SUSD1: variants seen among roughly 807,000 people sequenced by gnomAD.
The protein encoded by SUSD1 is sushi domain-containing protein 1.
In SUSD1, 65 loss-of-function variants were observed where a neutral mutation model predicts 86.9. The ratio of observed to expected loss-of-function variants is 0.75; its 90% CI spans 0.61 to 0.92. SUSD1 has a LOEUF of 0.92. Among genes scored for constraint, SUSD1 ranks in the 40% least tolerant of loss-of-function variants. The pLI, the probability that SUSD1 is intolerant of heterozygous loss-of-function variation, is 0.00. For synonymous variants in SUSD1, 346 were observed against 350.0 expected (o/e 0.99, Z 0.13); for missense variants, 850 against 929.7 (o/e 0.91, Z 1.11).
intron 5 of SUSD1, among the ~76,000 whole-genome samples, chr9:112,139,319 A>G (rs181974122): frequency 5.7e-4 from 87 of 152,368 alleles, no homozygotes; most frequent in Admixed American, 1.8e-3. Flanking sequence ...TGCAAGATTT[A>G]TAAGTAAAAT....
At chr9:112,065,554 C>G (rs1201603723) in intron 12 of SUSD1, among the ~76,000 whole-genome samples, 1 of 152,058 alleles carries the variant, frequency 6.6e-6, no homozygotes, top group Admixed American at 6.6e-5. Context: ...ACTGAATCCC[C>G]AAAGATTTTA....
intron 13 of SUSD1, among the ~76,000 whole-genome samples, chr9:112,059,804 A>C (rs1172167104): frequency 6.6e-6 from 1 of 152,184 alleles, no homozygotes; most frequent in African/African-American, 2.4e-5. Flanking sequence ...ATTCCCATCT[A>C]TCTGGTACTT....
chr9:112,122,783 T>G (rs1831606762), intron 6 of SUSD1, among the ~76,000 whole-genome samples: 1 of 152,200 alleles, frequency 6.6e-6, no homozygotes, highest in Admixed American at 6.5e-5. Flanking sequence ...ACTCATATAA[T>G]GGACTATATG....
intron 1 of SUSD1, among the ~76,000 whole-genome samples, chr9:112,159,557 A>C (rs1833477909): frequency 6.6e-6 from 1 of 152,232 alleles, no homozygotes; most frequent in African/African-American, 2.4e-5. Context: ...TTAAAGGCTG[A>C]ATTATCTGAC....
intron 1 of SUSD1, among the ~76,000 whole-genome samples, chr9:112,168,949 C>T (rs1466780915): frequency 4.6e-5 from 7 of 152,094 alleles, no homozygotes; most frequent in African/African-American, 7.2e-5. Flanking sequence ...GATCAAACAA[C>T]GGGAGGAAAT....
At chr9:112,066,971 G>T (rs1361352314) in intron 12 of SUSD1, among the ~76,000 whole-genome samples, 1 of 152,128 alleles carries the variant, frequency 6.6e-6, no homozygotes, top group Non-Finnish European at 1.5e-5. Flanking sequence ...TGCCTCCCAG[G>T]TTCAAGCTCT....
intron 5 of SUSD1, among the ~76,000 whole-genome samples, chr9:112,138,278 T>TATATGTGTATATAC (rs1832399001): frequency 7.6e-6 from 1 of 131,602 alleles, no homozygotes. Flanking sequence ...TATATATATA[T>TATATGTGTATATAC]ATGAAGTCCA....
chr9:112,132,641 C>T (rs573673423), intron 5 of SUSD1, among the ~76,000 whole-genome samples: 9 of 152,180 alleles, frequency 5.9e-5, no homozygotes, highest in Non-Finnish European at 1.3e-4. Flanking sequence ...CAGCTTGATA[C>T]GTATACTTAC....
chr9:112,086,630 G>A (rs867086884), intron 10 of SUSD1, among the ~76,000 whole-genome samples: 2 of 152,156 alleles, frequency 1.3e-5, no homozygotes, highest in South Asian at 2.1e-4. Flanking sequence ...AGGATTAAAA[G>A]TCCATGAGTT....
intron 8 of SUSD1, among the ~76,000 whole-genome samples, chr9:112,107,746 G>A (rs1830914509): frequency 6.6e-6 from 1 of 152,136 alleles, no homozygotes; most frequent in African/African-American, 2.4e-5. Context: ...TAAGCCATTT[G>A]TTACTAGCGA....
At chr9:112,044,996 A>T (rs907002411) in intron 15 of SUSD1, among the ~76,000 whole-genome samples, 17 of 152,272 alleles carry the variant, frequency 1.1e-4, no homozygotes, top group African/African-American at 4.1e-4. Flanking sequence ...CATGAAAAAC[A>T]TGATTACAGA....
At chr9:112,066,053 G>A (rs1392384493) in intron 12 of SUSD1, among the ~76,000 whole-genome samples, 1 of 152,194 alleles carries the variant, frequency 6.6e-6, no homozygotes, top group African/African-American at 2.4e-5. Context: ...CAGGCAGGCC[G>A]AGTCACACCA....
chr9:112,136,951 T>C (rs1007193473), intron 5 of SUSD1, among the ~76,000 whole-genome samples: 1 of 152,142 alleles, frequency 6.6e-6, no homozygotes, highest in African/African-American at 2.4e-5. Flanking sequence ...GGCACCCCTC[T>C]CCTAGGGCCC....
rs529470594 is a variant in SUSD1, at chr9:112,142,961, C to CT, written c.527-463dup. 7.1e-3 allele frequency among the ~76,000 whole-genome samples: 214 copies of CT among 30,212 alleles called. 62 individuals carry two copies. The highest frequency in any genetic ancestry group is 0.013 in the South Asian group (6 of 466). 19.8% of individuals were successfully genotyped at this position (30,212 alleles called of 152,430 possible). On this transcript the variant is annotated intron_variant, in intron 4 of 16. Transcript: ENST00000374270. Reference sequence around the variant, plus strand: ...AATCCTTTAAGTTTATGAATTTTAGCTTTTTTTTTTTTTTTTTTTTTTTTT... The same window carrying CT: ...AATCCTTTAAGTTTATGAATTTTAGCTTTTTTTTTTTTTTTTTTTTTTTTTT...
intron 2 of SUSD1, among the ~76,000 whole-genome samples, chr9:112,156,245 C>T (rs897174090): frequency 9.9e-5 from 15 of 151,978 alleles, no homozygotes; most frequent in Admixed American, 6.6e-4. Flanking sequence ...TGGTGGATCA[C>T]GAGGTCAGGA....
At chr9:112,096,050 T>C (rs139954364) in intron 10 of SUSD1, among the ~76,000 whole-genome samples, 1,997 of 152,234 alleles carry the variant, frequency 0.013, 41 homozygotes, top group African/African-American at 0.045. Flanking sequence ...CGAGAAGACA[T>C]TTCCCAATTT....
At chr9:112,041,690 T>C (rs1176396683) in intron 16 of SUSD1, among the ~76,000 whole-genome samples, 177 bp downstream of exon 16, 3 of 152,160 alleles carry the variant, frequency 2.0e-5, no homozygotes, top group Non-Finnish European at 4.4e-5. Context: ...GCATCCCCCA[T>C]GCTACCTGGA....
chr9:112,169,966 C>T (rs1046333563), intron 1 of SUSD1, among the ~76,000 whole-genome samples: 8 of 152,276 alleles, frequency 5.3e-5, no homozygotes, highest in Admixed American at 6.5e-5. Context: ...TGAGCCACCA[C>T]GCCAAGCTGA....
intron 1 of SUSD1, among the ~76,000 whole-genome samples, chr9:112,157,868 G>C (rs1158457705): frequency 6.7e-6 from 1 of 149,132 alleles, no homozygotes; most frequent in African/African-American, 2.5e-5. Context: ...CTGTTGCCCA[G>C]GCTGGAGTGC....
Sources: allele counts gnomAD v4.1 joint callset (sites outside exome capture counted in the v4.1 genomes callset), GRCh38; gene constraint gnomAD v4.1.1; transcripts MANE v1.5; gene names NCBI Gene and HGNC (gene_info 2026-07-23, HGNC 2026-07-21).